TASP1: variants seen among roughly 807,000 people sequenced by gnomAD.
TASP1 encodes threonine aspartase 1.
TASP1 carries 16 observed loss-of-function variants against 56.6 expected under a neutral mutation model. The observed-to-expected ratio is 0.28, with a 90% CI of 0.19 to 0.43. The LOEUF (loss-of-function observed/expected upper bound fraction) is 0.43. TASP1 is among the 20% of genes least tolerant of loss of function. TASP1 has a pLI of 1.00. For synonymous variants in TASP1, 179 were observed against 184.2 expected (o/e 0.97, Z 0.23); for missense variants, 393 against 511.6 (o/e 0.77, Z 2.24).
chr20:13,254,058 TAAAAAA>T, the TASP1 span, among the ~76,000 whole-genome samples: 1 of 116,208 alleles, frequency 8.6e-6, no homozygotes, highest in Non-Finnish European at 1.8e-5. Context: ...TCATCTCTAC[TAAAAAA>T]AAAAAAAAAA....
At chr20:13,557,937 A>G (rs1194241496) in intron 8 of TASP1, among the ~76,000 whole-genome samples, 1 of 152,186 alleles carries the variant, frequency 6.6e-6, no homozygotes, top group Non-Finnish European at 1.5e-5. Context: ...CATCCGATGC[A>G]GAAACCCAAG....
At chr20:13,519,690 C>T (rs1243740961) in intron 10 of TASP1, among the ~76,000 whole-genome samples, 1 of 152,170 alleles carries the variant, frequency 6.6e-6, no homozygotes, top group African/African-American at 2.4e-5. Context: ...AAACTGGAAG[C>T]ATTCCCTTTG....
chr20:13,562,995 T>C (rs2046399615), intron 7 of TASP1, among the ~76,000 whole-genome samples: 1 of 142,026 alleles, frequency 7.0e-6, no homozygotes, highest in Non-Finnish European at 1.5e-5. Flanking sequence ...TATACACATA[T>C]ATACACACAC....
chr20:13,448,671 T>C (rs1342761236), intron 11 of TASP1, among the ~76,000 whole-genome samples: 1 of 152,158 alleles, frequency 6.6e-6, no homozygotes, highest in Non-Finnish European at 1.5e-5. Flanking sequence ...GGATCGCTTA[T>C]GCCTTTGATC....
At chr20:13,116,327 A>G in the TASP1 span, among the ~76,000 whole-genome samples, 2 of 152,176 alleles carry the variant, frequency 1.3e-5, no homozygotes, top group Non-Finnish European at 2.9e-5. Context: ...CGGTTGTTTG[A>G]ATTGTTTGAC....
chr20:13,364,124 T>G, the TASP1 span, among the ~76,000 whole-genome samples: 1 of 152,090 alleles, frequency 6.6e-6, no homozygotes. Context: ...TCTGTTGTGA[T>G]TATTTGTCAG....
chr20:13,499,957 A>C (rs1453592572), intron 10 of TASP1, among the ~76,000 whole-genome samples: 2 of 152,016 alleles, frequency 1.3e-5, no homozygotes, highest in Non-Finnish European at 2.9e-5. Context: ...AGAAGGAAAT[A>C]ATAGACACTG....
chr20:13,342,156 G>A, the TASP1 span, among the ~76,000 whole-genome samples: 1 of 152,164 alleles, frequency 6.6e-6, no homozygotes, highest in Non-Finnish European at 1.5e-5. Context: ...TTTAGCAGTC[G>A]ATTAGGCTAC....
chr20:13,157,273 C>CAAA, the TASP1 span, among the ~76,000 whole-genome samples: 11 of 143,668 alleles, frequency 7.7e-5, no homozygotes, highest in African/African-American at 2.1e-4. Context: ...ACTAAAAGTA[C>CAAA]AAAAAAAAAA....
chr20:13,124,141 C>T, the TASP1 span, among the ~76,000 whole-genome samples: 2 of 152,182 alleles, frequency 1.3e-5, no homozygotes, highest in South Asian at 2.1e-4. Flanking sequence ...TCATGAGGCT[C>T]ACCAAATAAA....
chr20:13,173,581 G>A, the TASP1 span, among the ~76,000 whole-genome samples: 1 of 152,328 alleles, frequency 6.6e-6, no homozygotes, highest in South Asian at 2.1e-4. Context: ...CGTTACAGCA[G>A]TGGTTGTCCA....
At chr20:13,217,958 G>A in the TASP1 span, among the ~76,000 whole-genome samples, 1 of 152,108 alleles carries the variant, frequency 6.6e-6, no homozygotes, top group Non-Finnish European at 1.5e-5. Context: ...CATGTAGAAA[G>A]GAAAGAGAGG....
At chr20:13,333,270 G>A in the TASP1 span, among the ~76,000 whole-genome samples, 1 of 152,298 alleles carries the variant, frequency 6.6e-6, no homozygotes, top group Admixed American at 6.5e-5. Context: ...GACTCCCTGG[G>A]AAATCTGTGG....
chr20:13,240,763 G>C, the TASP1 span, among the ~76,000 whole-genome samples: 2 of 152,212 alleles, frequency 1.3e-5, no homozygotes, highest in African/African-American at 2.4e-5. Flanking sequence ...GACCAGGGTA[G>C]AGAAGAGTGG....
chr20:13,400,343 G>T (rs6074605), intron 13 of TASP1, among the ~76,000 whole-genome samples: 99,145 of 152,034 alleles, frequency 0.65, 32,548 homozygotes, highest in Non-Finnish European at 0.68. Context: ...TAAGGCTTCC[G>T]TCTTAGTCAG....
At chr20:13,173,258 A>C in the TASP1 span, among the ~76,000 whole-genome samples, 1 of 152,158 alleles carries the variant, frequency 6.6e-6, no homozygotes, top group African/African-American at 2.4e-5. Context: ...TAGTTCCTAG[A>C]GATGTAACCC....
chr20:13,412,787 T>C (rs2042133092), intron 13 of TASP1, among the ~76,000 whole-genome samples: 1 of 152,200 alleles, frequency 6.6e-6, no homozygotes, highest in African/African-American at 2.4e-5. Flanking sequence ...GAAAATTAAG[T>C]GGCAACATAT....
At chr20:13,127,650 T>C in the TASP1 span, among the ~76,000 whole-genome samples, 1 of 152,240 alleles carries the variant, frequency 6.6e-6, no homozygotes, top group East Asian at 1.9e-4. Flanking sequence ...GTTAAAGTAG[T>C]GTCTTCACTT....
the TASP1 span, chr20:13,164,828 T>G: frequency 6.2e-7 from 1 of 1,613,796 alleles, no homozygotes; most frequent in Non-Finnish European, 8.5e-7. Context: ...CAGCACGTCC[T>G]GAGCTCTATG....
Sources: gnomAD v4.1 joint callset for allele counts (sites outside exome capture counted in the v4.1 genomes callset) on GRCh38, gnomAD v4.1.1 for gene constraint, MANE v1.5 for transcripts, NCBI Gene and HGNC (gene_info 2026-07-23, HGNC 2026-07-21) for gene names.